Variants in FYB2 observed in about 807,000 individuals in gnomAD.
The protein encoded by FYB2 is FYN binding protein 2.
Under a neutral mutation model 94.1 loss-of-function variants are expected in FYB2, and 103 were observed. The observed-to-expected ratio is 1.09, with a 90% CI of 0.93 to 1.29. The LOEUF is 1.29. FYB2 is among the 50% of genes most tolerant of loss of function. The pLI is 0.00. For synonymous variants in FYB2, 293 were observed against 287.9 expected (o/e 1.02, Z -0.18); for missense variants, 896 against 841.5 (o/e 1.06, Z -0.80).
chr1:56,735,091 G>A (rs1189759216), intron 15 of FYB2, among the ~76,000 whole-genome samples: 1 of 152,100 alleles, frequency 6.6e-6, no homozygotes, highest in Non-Finnish European at 1.5e-5. Context: ...ATATGATTCA[G>A]CAGTTCCATT....
At chr1:56,762,627 T>G (rs1215664776) in intron 5 of FYB2, among the ~76,000 whole-genome samples, 1 of 152,236 alleles carries the variant, frequency 6.6e-6, no homozygotes, top group African/African-American at 2.4e-5. Flanking sequence ...AGGGTTTTTG[T>G]GTGCTTTTTT....
intron 6 of FYB2, among the ~76,000 whole-genome samples, chr1:56,757,346 A>T (rs1645357654): frequency 6.6e-6 from 1 of 152,080 alleles, no homozygotes; most frequent in Non-Finnish European, 1.5e-5. Flanking sequence ...CCTTACCAGC[A>T]AGCATAAGAG....
chr1:56,761,922 G>A (rs1457944113), intron 5 of FYB2: 1 of 152,062 alleles, frequency 6.6e-6, no homozygotes, highest in Non-Finnish European at 1.5e-5. Flanking sequence ...TGAGACTTAA[G>A]CCAAAGTTTA....
chr1:56,794,659 CTT>C (rs1417176273), intron 1 of FYB2, among the ~76,000 whole-genome samples: 3 of 152,118 alleles, frequency 2.0e-5, no homozygotes, highest in East Asian at 1.9e-4. Flanking sequence ...TCTGTTCTCT[CTT>C]TATCTCTCTA....
chr1:56,719,126 A>ATGAGT lies in FYB2; in HGVS notation c.*540_*544dup, dbSNP rs1430161819. 1 of 152,338 alleles carries ATGAGT rather than the reference A, an allele frequency of 6.6e-6. No homozygotes were observed. The highest frequency in any genetic ancestry group is 1.9e-4 in the East Asian group (1 of 5,192). 9.4% of individuals were successfully genotyped at this position (152,338 alleles called of 1,614,324 possible). The stretch of plus-strand genomic sequence containing the variant: ...GAAACAAATGTGGAACAGTATTCAT[A>ATGAGT]TGAGTTTATTTTTGTGATAAAGTAA... On this transcript the variant is annotated 3_prime_UTR_variant, in exon 20 of 20. Coordinates refer to ENST00000343433, the MANE Select transcript of FYB2 (RefSeq NM_001004303.5).
At position 56,719,563 on chromosome 1, in the gene FYB2, C is replaced by A; in HGVS notation, c.*108G>T. 3 of 941,184 alleles carry A rather than the reference C, an allele frequency of 3.2e-6. No individual in the cohort carries two copies. The highest frequency in any genetic ancestry group is 1.6e-6 in the Non-Finnish European group (1 of 638,144). 58.3% of individuals were successfully genotyped at this position (941,184 alleles called of 1,614,324 possible). ...TTCAGAACGAAAGTTTCCACAGATT[C>A]CACCATCTCAAAATTTTGACATGTA... On this transcript the variant is annotated 3_prime_UTR_variant, in exon 20 of 20. Coordinates refer to ENST00000343433, the MANE Select transcript of FYB2 (RefSeq NM_001004303.5).
In FYB2 at chr1:56,719,419, T is replaced by TTCACATTCTCTTGAACTGACA. The variant is rs1206809064; in HGVS notation, c.*231_*251dup. 9.3e-6 allele frequency: 4 copies of TTCACATTCTCTTGAACTGACA among 429,696 alleles called. No homozygotes were observed. The highest frequency in any genetic ancestry group is 1.7e-5 in the Non-Finnish European group (4 of 242,196). 26.6% of individuals were successfully genotyped at this position (429,696 alleles called of 1,614,324 possible). A position where few individuals can be genotyped will look rare whatever the true frequency, so the allele number is the denominator to read the frequency against. ...GTGCTCAAATGCTAACACATACTGTTTCACATTCTCTTGAACTGACAGTGA... is the reference window on the plus strand; with the variant it reads ...GTGCTCAAATGCTAACACATACTGTTTCACATTCTCTTGAACTGACATCACATTCTCTTGAACTGACAGTGA... On this transcript the variant is annotated 3_prime_UTR_variant, in exon 20 of 20. Coordinates refer to ENST00000343433, the MANE Select transcript of FYB2 (RefSeq NM_001004303.5).
At chr1:56,767,691 A>G (rs912385269) in intron 5 of FYB2, 138 bp downstream of exon 5, 6 of 682,646 alleles carry the variant, frequency 8.8e-6, no homozygotes, top group Non-Finnish European at 1.5e-5. Context: ...CACAGAAAAA[A>G]AAAAGAAAAA....
intron 1 of FYB2, among the ~76,000 whole-genome samples, chr1:56,819,067 A>T (rs1271473133): frequency 2.6e-5 from 4 of 152,180 alleles, no homozygotes; most frequent in African/African-American, 4.8e-5. Flanking sequence ...CTCACACTCC[A>T]GGTGGCACAG....
At chr1:56,734,719 G>A (rs537765653) in intron 15 of FYB2, among the ~76,000 whole-genome samples, 7 of 152,176 alleles carry the variant, frequency 4.6e-5, no homozygotes, top group African/African-American at 1.7e-4. Context: ...TGTAAATGAT[G>A]AGTTGATGGG....
chr1:56,808,091 T>C (rs995576181), intron 1 of FYB2, among the ~76,000 whole-genome samples: 2 of 152,174 alleles, frequency 1.3e-5, no homozygotes, highest in Admixed American at 1.3e-4. Context: ...ATACTCAAGA[T>C]TGTTTTACTA....
At chr1:56,785,386 T>C (rs1646110516) in intron 4 of FYB2, among the ~76,000 whole-genome samples, 1 of 152,240 alleles carries the variant, frequency 6.6e-6, no homozygotes, top group South Asian at 2.1e-4. Context: ...CTGGGACCTA[T>C]GTTCATTGAG....
chr1:56,751,493 C>A (rs1172064521), intron 8 of FYB2, among the ~76,000 whole-genome samples: 1 of 151,970 alleles, frequency 6.6e-6, no homozygotes, highest in Admixed American at 6.6e-5. Flanking sequence ...ATAACTTAAT[C>A]ATCATGATAC....
chr1:56,738,088 C>T (rs924415947), intron 14 of FYB2, among the ~76,000 whole-genome samples: 5 of 152,060 alleles, frequency 3.3e-5, no homozygotes, highest in African/African-American at 1.2e-4. Flanking sequence ...ATGTACTGAA[C>T]GTGTATTGAC....
intron 6 of FYB2, among the ~76,000 whole-genome samples, chr1:56,756,947 T>C (rs1490963255): frequency 6.6e-6 from 1 of 152,116 alleles, no homozygotes; most frequent in African/African-American, 2.4e-5. Context: ...GAACTAGTTC[T>C]TCTGCAAAGG....
intron 4 of FYB2, 98 bp downstream of exon 4, chr1:56,787,077 T>G: frequency 7.6e-7 from 1 of 1,322,988 alleles, no homozygotes; most frequent in East Asian, 2.3e-5. Context: ...TTCTGAGAAA[T>G]ACAGATTCTT....
chr1:56,739,876 A>T (rs1237217016), intron 13 of FYB2, among the ~76,000 whole-genome samples: 1 of 152,126 alleles, frequency 6.6e-6, no homozygotes, highest in African/African-American at 2.4e-5. Flanking sequence ...GATGTATTAA[A>T]TGGACTTTTA....
At chr1:56,740,862 T>C in intron 12 of FYB2, 67 bp from the exon 13 acceptor site, 1 of 1,065,448 alleles carries the variant, frequency 9.4e-7, no homozygotes, top group East Asian at 2.6e-5. Context: ...AAGGCTGTTG[T>C]ATTATAAAAT....
intron 4 of FYB2, among the ~76,000 whole-genome samples, chr1:56,776,903 G>A (rs1190702561): frequency 6.6e-6 from 1 of 152,126 alleles, no homozygotes; most frequent in African/African-American, 2.4e-5. Context: ...ACATCCCTGG[G>A]GGAAGGATTT....
Sources: allele counts gnomAD v4.1 joint callset (sites outside exome capture counted in the v4.1 genomes callset), GRCh38; gene constraint gnomAD v4.1.1; transcripts MANE v1.5; gene names NCBI Gene and HGNC (gene_info 2026-07-23, HGNC 2026-07-21).